ARHGAP5: variants seen among roughly 807,000 people sequenced by gnomAD.
ARHGAP5 encodes rho GTPase-activating protein 5.
In ARHGAP5, 23 loss-of-function variants were observed where a neutral mutation model predicts 116.6. That is an observed-to-expected ratio of 0.20 (90% CI 0.14 to 0.28). The LOEUF (loss-of-function observed/expected upper bound fraction) is 0.28, where lower values mean the gene tolerates loss of function less well. Ranked by LOEUF, ARHGAP5 falls within the 10% of genes least tolerant of loss-of-function variation. ARHGAP5 has a pLI of 1.00. For missense variants in ARHGAP5, 1,405 were observed against 1,774.8 expected, an observed-to-expected ratio of 0.79 and a Z score of 3.74; for synonymous variants, 574 against 602.0, an observed-to-expected ratio of 0.95 and a Z score of 0.68.
intron 2 of ARHGAP5, among the ~76,000 whole-genome samples, chr14:32,111,028 A>ATC: frequency 6.6e-6 from 1 of 152,308 alleles, no homozygotes; most frequent in East Asian, 1.9e-4. Flanking sequence ...GCTTCAGGAG[A>ATC]AAGAGCTGCG....
At chr14:32,150,698 A>G (rs1002015941) in intron 5 of ARHGAP5, among the ~76,000 whole-genome samples, 1 of 152,216 alleles carries the variant, frequency 6.6e-6, no homozygotes, top group African/African-American at 2.4e-5. Flanking sequence ...TCACCTCTTA[A>G]AGATTCCACC....
rs1193922083 is a variant in ARHGAP5 at position 32,117,307 on chromosome 14, G to T, written c.3865+20G>T. On this transcript the variant is annotated intron_variant, in intron 3 of 6. Transcript: ENST00000345122. ...ATACAGGTAGGATAGAAGAATCATT[G>T]CAAGAGATTTGATTTTAAATTTCAC... 6.5e-7 allele frequency: 1 copy of T among 1,547,554 alleles called. No individual in the cohort carries two copies. The highest frequency in any genetic ancestry group is 1.2e-5 in the South Asian group (1 of 80,542).
At chr14:32,130,884 A>G (rs1880451324) in intron 3 of ARHGAP5, among the ~76,000 whole-genome samples, 1 of 152,276 alleles carries the variant, frequency 6.6e-6, no homozygotes, top group Non-Finnish European at 1.5e-5. Context: ...AAATGTTACA[A>G]GAATAGTATG....
chr14:32,146,913 T>C (rs1490314717), intron 4 of ARHGAP5, among the ~76,000 whole-genome samples: 1 of 152,186 alleles, frequency 6.6e-6, no homozygotes, highest in African/African-American at 2.4e-5. Flanking sequence ...TATTTTGATA[T>C]CAGATTAGAT....
intron 3 of ARHGAP5, among the ~76,000 whole-genome samples, chr14:32,121,910 G>A (rs1222519518): frequency 6.6e-6 from 1 of 152,150 alleles, no homozygotes; most frequent in African/African-American, 2.4e-5. Context: ...TCACCTATCA[G>A]TACTTAATTT....
chr14:32,079,767 T>C (rs1398430757), intron 1 of ARHGAP5, among the ~76,000 whole-genome samples: 1 of 152,196 alleles, frequency 6.6e-6, no homozygotes, highest in African/African-American at 2.4e-5. Flanking sequence ...GAGATTTTCT[T>C]GGTAGCTACA....
chr14:32,135,499 T>G (rs934539076), intron 3 of ARHGAP5, among the ~76,000 whole-genome samples: 2 of 152,240 alleles, frequency 1.3e-5, no homozygotes, highest in African/African-American at 2.4e-5. Context: ...CTAGCCTCAC[T>G]GCAACCTCTA....
At chr14:32,127,555 G>A (rs945455072) in intron 3 of ARHGAP5, among the ~76,000 whole-genome samples, 1 of 152,220 alleles carries the variant, frequency 6.6e-6, no homozygotes, top group East Asian at 1.9e-4. Flanking sequence ...ACAAAATGGA[G>A]TCTCCTATGT....
At chr14:32,124,357 C>T (rs1408980044) in intron 3 of ARHGAP5, among the ~76,000 whole-genome samples, 1 of 152,090 alleles carries the variant, frequency 6.6e-6, no homozygotes, top group Non-Finnish European at 1.5e-5. Flanking sequence ...CAGCAGTTAA[C>T]CAGGGCATCA....
chr14:32,132,947 G>T (rs921493375), intron 3 of ARHGAP5, among the ~76,000 whole-genome samples: 1 of 152,084 alleles, frequency 6.6e-6, no homozygotes, highest in Non-Finnish European at 1.5e-5. Flanking sequence ...TGGTCTGTAT[G>T]TCTGTTTTGG....
chr14:32,152,306 A>G (rs971634215), intron 5 of ARHGAP5, 117 bp from the exon 6 acceptor site: 15 of 737,342 alleles, frequency 2.0e-5, no homozygotes, highest in Non-Finnish European at 3.3e-5. Flanking sequence ...TTGTTTACCT[A>G]TCCTAATATG....
intron 2 of ARHGAP5, among the ~76,000 whole-genome samples, chr14:32,107,668 G>A (rs987153424): frequency 2.6e-5 from 4 of 152,216 alleles, no homozygotes; most frequent in African/African-American, 7.2e-5. Flanking sequence ...TATGGTTTGA[G>A]CAGTTGGGTA....
At chr14:32,150,691 C>T (rs560723255) in intron 5 of ARHGAP5, among the ~76,000 whole-genome samples, 2 of 152,230 alleles carry the variant, frequency 1.3e-5, no homozygotes, top group African/African-American at 4.8e-5. Flanking sequence ...GATATAGTCA[C>T]CTCTTAAAGA....
At chr14:32,118,774 A>C (rs1043412375) in intron 3 of ARHGAP5, among the ~76,000 whole-genome samples, 8 of 152,226 alleles carry the variant, frequency 5.3e-5, no homozygotes, top group African/African-American at 1.7e-4. Context: ...CTCTAGTATT[A>C]TAATTAAGCC....
chr14:32,136,103 C>G (rs1880777869), intron 3 of ARHGAP5, among the ~76,000 whole-genome samples: 1 of 151,956 alleles, frequency 6.6e-6, no homozygotes, highest in African/African-American at 2.4e-5. Flanking sequence ...TTTTTTTCTT[C>G]CCAGCATGGG....
intron 3 of ARHGAP5, among the ~76,000 whole-genome samples, chr14:32,145,012 G>A (rs1200436601): frequency 6.6e-6 from 1 of 152,016 alleles, no homozygotes; most frequent in Admixed American, 6.6e-5. Context: ...TTTTATTATT[G>A]TATCTCATAG....
intron 1 of ARHGAP5, among the ~76,000 whole-genome samples, chr14:32,080,247 C>T (rs2041758448): frequency 6.6e-6 from 1 of 151,384 alleles, no homozygotes; most frequent in African/African-American, 2.4e-5. Context: ...CCCTCCCAAA[C>T]CAGGACAGCT....
intron 2 of ARHGAP5, among the ~76,000 whole-genome samples, chr14:32,105,635 A>G (rs1193910942): frequency 2.6e-5 from 4 of 152,114 alleles, no homozygotes; most frequent in Admixed American, 6.6e-5. Flanking sequence ...TACTTGTACT[A>G]ATTTGTACAT....
At chr14:32,137,315 T>G (rs1172198925) in intron 3 of ARHGAP5, among the ~76,000 whole-genome samples, 1 of 150,742 alleles carries the variant, frequency 6.6e-6, no homozygotes, top group African/African-American at 2.5e-5. Context: ...GCACTATTTA[T>G]TGCGAAGAGT....
Sources: gnomAD v4.1 joint callset for allele counts (sites outside exome capture counted in the v4.1 genomes callset) on GRCh38, gnomAD v4.1.1 for gene constraint, MANE v1.5 for transcripts, NCBI Gene and HGNC (gene_info 2026-07-23, HGNC 2026-07-21) for gene names.